The following HDAC8 variants were observed in gnomAD, a reference collection of about 807,000 sequenced individuals.
HDAC8 encodes histone deacetylase-like 1.
HDAC8 carries 1 observed loss-of-function variant against 32.2 expected under a neutral mutation model. The observed-to-expected ratio is 0.03, with a 90% CI of 0.01 to 0.15. The LOEUF (loss-of-function observed/expected upper bound fraction) is 0.15, where lower values mean the gene tolerates loss of function less well. Ranked by LOEUF, HDAC8 falls within the 10% of genes least tolerant of loss-of-function variation. The pLI is 1.00. For synonymous variants in HDAC8, 108 were observed against 113.9 expected (o/e 0.95, Z 0.33); for missense variants, 117 against 300.0 (o/e 0.39, Z 4.51).
chrX:72,364,259 C>A (rs1158244086), intron 9 of HDAC8, among the ~76,000 whole-genome samples: 1 of 111,258 alleles, frequency 9.0e-6, no homozygotes, highest in East Asian at 2.8e-4. Context: ...AGTCTCCTTC[C>A]CTGGATCCTC....
chrX:72,356,603 C>G (rs2044374220), intron 9 of HDAC8, among the ~76,000 whole-genome samples: 2 of 108,475 alleles, frequency 1.8e-5, no homozygotes. Flanking sequence ...GGGATGGAGT[C>G]TCACTCTGTC....
chrX:72,475,628 G>A (rs2048311491), intron 7 of HDAC8, among the ~76,000 whole-genome samples: 1 of 111,847 alleles, frequency 8.9e-6, no homozygotes, highest in African/African-American at 3.3e-5. Context: ...GCCTTGCAGT[G>A]AGCATGATGT....
At chrX:72,377,077 T>C (rs2045104441) in intron 9 of HDAC8, 1 of 111,430 alleles carries the variant, frequency 9.0e-6, no homozygotes, top group Admixed American at 9.6e-5. Flanking sequence ...AAAATCCCTT[T>C]AATGTATTGT....
chrX:72,554,917 C>A (rs2051231375), intron 4 of HDAC8, among the ~76,000 whole-genome samples: 1 of 112,480 alleles, frequency 8.9e-6, no homozygotes, highest in Admixed American at 9.3e-5. Context: ...TATAGGACCA[C>A]AGCTGATGCG....
intron 9 of HDAC8, among the ~76,000 whole-genome samples, chrX:72,381,160 A>G (rs2045257709): frequency 8.9e-6 from 1 of 112,280 alleles, no homozygotes. Context: ...AGCCCTAGGT[A>G]ATTCATATGC....
chrX:72,333,031 C>T (rs782079738), intron 10 of HDAC8, among the ~76,000 whole-genome samples: 76 of 112,145 alleles, frequency 6.8e-4, no homozygotes, highest in Non-Finnish European at 8.5e-4. Context: ...CTTATCTTTT[C>T]ATTCCCTTAA....
intron 10 of HDAC8, among the ~76,000 whole-genome samples, chrX:72,346,397 C>T (rs1555946917): frequency 8.9e-6 from 1 of 112,020 alleles, no homozygotes; most frequent in African/African-American, 3.2e-5. Flanking sequence ...TGGAAGGAAG[C>T]CAAGTTTCCA....
At chrX:72,333,678 G>A (rs1367188942) in intron 10 of HDAC8, among the ~76,000 whole-genome samples, 8 of 72,252 alleles carry the variant, frequency 1.1e-4, no homozygotes, top group Admixed American at 3.4e-4. Context: ...GTGACAGAGC[G>A]AGACACCATT....
At chrX:72,509,484 T>C (rs1019135436) in intron 4 of HDAC8, among the ~76,000 whole-genome samples, 1 of 111,967 alleles carries the variant, frequency 8.9e-6, no homozygotes, top group Non-Finnish European at 1.9e-5. Flanking sequence ...GATAACTAAG[T>C]GTTCACTGAT....
chrX:72,346,343 C>A (rs891931456), intron 10 of HDAC8, among the ~76,000 whole-genome samples: 11 of 112,154 alleles, frequency 9.8e-5, no homozygotes, highest in Non-Finnish European at 1.5e-4. Context: ...CCAACCCTAC[C>A]TTTCAACTTA....
At chrX:72,427,773 G>T (rs2046692578) in intron 9 of HDAC8, among the ~76,000 whole-genome samples, 1 of 109,319 alleles carries the variant, frequency 9.1e-6, no homozygotes, top group Non-Finnish European at 1.9e-5. Flanking sequence ...AAAAGAAAAT[G>T]ACATTACAAA....
At chrX:72,343,907 G>T (rs1027011444) in intron 10 of HDAC8, among the ~76,000 whole-genome samples, 9 of 113,001 alleles carry the variant, frequency 8.0e-5, no homozygotes. Context: ...TTCCACCAGG[G>T]TGGTGTCAAA....
intron 4 of HDAC8, among the ~76,000 whole-genome samples, chrX:72,498,331 T>G (rs2049097514): frequency 1.8e-5 from 2 of 111,580 alleles, no homozygotes; most frequent in Admixed American, 1.9e-4. Context: ...TAGGAAAATG[T>G]TATTAGCATA....
At chrX:72,430,704 C>T in intron 9 of HDAC8, among the ~76,000 whole-genome samples, 1 of 111,618 alleles carries the variant, frequency 9.0e-6, no homozygotes, top group East Asian at 2.8e-4. Flanking sequence ...GTAAATTGGC[C>T]TTTATCTCAG....
intron 5 of HDAC8, among the ~76,000 whole-genome samples, chrX:72,493,291 G>A (rs1191205326): frequency 9.0e-6 from 1 of 111,444 alleles, no homozygotes; most frequent in East Asian, 2.8e-4. Flanking sequence ...GGAAAGATGA[G>A]GTGAGACCTA....
At chrX:72,460,846 A>C (rs1048005438) in intron 9 of HDAC8, among the ~76,000 whole-genome samples, 8 of 112,137 alleles carry the variant, frequency 7.1e-5, no homozygotes, top group Non-Finnish European at 9.4e-5. Flanking sequence ...ACTTACCTTT[A>C]TATTTCATTA....
intron 4 of HDAC8, among the ~76,000 whole-genome samples, chrX:72,541,967 T>TA (rs1475860942): frequency 8.9e-6 from 1 of 112,039 alleles, no homozygotes; most frequent in East Asian, 2.8e-4. Context: ...TTGATACTTC[T>TA]ATGTACTTTT....
At chrX:72,476,014 G>T (rs183491667) in intron 7 of HDAC8, among the ~76,000 whole-genome samples, 6 of 110,924 alleles carry the variant, frequency 5.4e-5, no homozygotes, top group Non-Finnish European at 9.4e-5. Flanking sequence ...CATCAATTAC[G>T]TGTCACCTTG....
intron 4 of HDAC8, among the ~76,000 whole-genome samples, chrX:72,519,182 T>A (rs2049902195): frequency 8.9e-6 from 1 of 112,337 alleles, no homozygotes; most frequent in Non-Finnish European, 1.9e-5. Context: ...TGTATGGATA[T>A]CTCACATTTT....
Sources: gnomAD v4.1 joint callset for allele counts (sites outside exome capture counted in the v4.1 genomes callset) on GRCh38, gnomAD v4.1.1 for gene constraint, MANE v1.5 for transcripts, NCBI Gene and HGNC (gene_info 2026-07-23, HGNC 2026-07-21) for gene names.